CSMD3: variants seen among roughly 807,000 people sequenced by gnomAD.
CSMD3 encodes the protein CUB and Sushi multiple domains 3.
A neutral mutation model predicts 435.2 loss-of-function variants in CSMD3; 177 were observed. The ratio of observed to expected loss-of-function variants is 0.41; its 90% CI spans 0.36 to 0.46. The LOEUF (loss-of-function observed/expected upper bound fraction) is 0.46. Ranked by LOEUF, CSMD3 falls within the 20% of genes least tolerant of loss-of-function variation. CSMD3 has a pLI of 0.34. For synonymous variants in CSMD3, 1,656 were observed against 1,520.5 expected (o/e 1.09, Z -2.07); for missense variants, 4,265 against 4,504.6 (o/e 0.95, Z 1.52).
At chr8:112,816,517 T>C (rs1443901789) in intron 12 of CSMD3, among the ~76,000 whole-genome samples, 3 of 152,220 alleles carry the variant, frequency 2.0e-5, no homozygotes, top group East Asian at 3.9e-4. Flanking sequence ...CATTAGCCCA[T>C]GGTCTTTGTC....
intron 39 of CSMD3, among the ~76,000 whole-genome samples, chr8:112,352,069 A>C (rs771930042): frequency 3.9e-5 from 6 of 152,126 alleles, no homozygotes; most frequent in Non-Finnish European, 8.8e-5. Context: ...AATTCTAAAA[A>C]TCCAGGAATT....
At chr8:112,615,688 A>T (rs1236127685) in intron 22 of CSMD3, among the ~76,000 whole-genome samples, 2 of 152,086 alleles carry the variant, frequency 1.3e-5, no homozygotes, top group Non-Finnish European at 2.9e-5. Flanking sequence ...TAACCTATAT[A>T]CTATAAACCA....
chr8:112,600,671 A>G (rs542041391), intron 22 of CSMD3, among the ~76,000 whole-genome samples: 352 of 151,994 alleles, frequency 2.3e-3, no homozygotes, highest in African/African-American at 8.1e-3. Flanking sequence ...CTTATATCTC[A>G]TGATTTTTTT....
At chr8:112,612,773 A>G (rs1247033231) in intron 22 of CSMD3, among the ~76,000 whole-genome samples, 2 of 124,006 alleles carry the variant, frequency 1.6e-5, no homozygotes, top group Admixed American at 1.1e-4. Context: ...GGCTAAGTGC[A>G]GTGGCTCCAT....
chr8:112,453,082 C>G (rs1253286460), intron 32 of CSMD3, among the ~76,000 whole-genome samples: 1 of 152,078 alleles, frequency 6.6e-6, no homozygotes, highest in Non-Finnish European at 1.5e-5. Flanking sequence ...ATTATTTCCT[C>G]AAATGAAAAA....
At chr8:112,565,739 T>C (rs752072909) in intron 24 of CSMD3, among the ~76,000 whole-genome samples, 12 of 152,088 alleles carry the variant, frequency 7.9e-5, no homozygotes, top group Admixed American at 2.0e-4. Context: ...GATAAGACAA[T>C]AGTATAATCC....
chr8:112,816,861 AGT>A (rs1001526987), intron 12 of CSMD3, among the ~76,000 whole-genome samples: 1 of 151,692 alleles, frequency 6.6e-6, no homozygotes, highest in South Asian at 2.1e-4. Context: ...TTAACCCAGA[AGT>A]GTGTGTGTGT....
chr8:112,803,405 G>A (rs115037332), intron 12 of CSMD3, among the ~76,000 whole-genome samples: 10 of 152,126 alleles, frequency 6.6e-5, no homozygotes, highest in African/African-American at 2.4e-4. Context: ...AAACAGATTT[G>A]TGTGCCTCAT....
intron 18 of CSMD3, among the ~76,000 whole-genome samples, chr8:112,652,413 A>G (rs548648554): frequency 6.6e-6 from 1 of 152,294 alleles, no homozygotes; most frequent in African/African-American, 2.4e-5. Flanking sequence ...GTCTAAAATC[A>G]GAGAAATGGG....
At chr8:112,734,331 A>T (rs1214573100) in intron 13 of CSMD3, among the ~76,000 whole-genome samples, 1 of 151,788 alleles carries the variant, frequency 6.6e-6, no homozygotes, top group East Asian at 1.9e-4. Context: ...TCTTTAACAG[A>T]TGAAGGAAAG....
In CSMD3 at chr8:112,935,569, A is replaced by G. The variant is rs557231157; in HGVS notation, c.1508+12221T>C. Among the ~76,000 whole-genome samples, 6 of 151,994 alleles carry G rather than the reference A, an allele frequency of 3.9e-5. No individual in the cohort carries two copies. The East Asian group carries it at 1.2e-3, about 29-fold the overall frequency. On this transcript the variant is annotated intron_variant, in intron 9 of 70. Coordinates refer to ENST00000297405, the MANE Select transcript of CSMD3 (RefSeq NM_198123.2). ...GTAACTTATTTAGTTTCTTTCATCA[A>G]TATTTTATAGTTTTCAGTGTAGAAA... is the stretch of plus-strand genomic sequence containing the variant.
At chr8:113,371,528 T>G (rs1244407250) in intron 1 of CSMD3, among the ~76,000 whole-genome samples, 2 of 152,196 alleles carry the variant, frequency 1.3e-5, no homozygotes, top group African/African-American at 4.8e-5. Flanking sequence ...ATTAAGTTTA[T>G]TCTTATTCAT....
At chr8:112,731,337 T>C (rs556371648) in intron 13 of CSMD3, among the ~76,000 whole-genome samples, 1 of 152,232 alleles carries the variant, frequency 6.6e-6, no homozygotes, top group East Asian at 1.9e-4. Flanking sequence ...TGACATCAAA[T>C]AGCATAGAGA....
chr8:113,088,904 C>T lies in CSMD3; in HGVS notation c.917+9852G>A, dbSNP rs539040611. Among the ~76,000 whole-genome samples, 18 of 152,170 alleles carry T rather than the reference C, an allele frequency of 1.2e-4. No homozygotes were observed. The South Asian group carries it at 2.3e-3, about 19-fold the overall frequency. ...ATAAAGATGTATACAAACAATTCCT[C>T]CAGCAAACTGGGATTAAGGATTACA... On this transcript the variant is annotated intron_variant, in intron 5 of 70. Coordinates refer to ENST00000297405, the MANE Select transcript of CSMD3 (RefSeq NM_198123.2).
intron 32 of CSMD3, among the ~76,000 whole-genome samples, chr8:112,420,282 T>C (rs1563924584): frequency 6.6e-6 from 1 of 152,168 alleles, no homozygotes; most frequent in African/African-American, 2.4e-5. Flanking sequence ...CCGACCTGTA[T>C]CCCCAACCTG....
intron 4 of CSMD3, among the ~76,000 whole-genome samples, chr8:113,115,053 T>A (rs973782029): frequency 1.3e-5 from 2 of 152,202 alleles, no homozygotes; most frequent in Non-Finnish European, 2.9e-5. Context: ...ACTCTGGAGA[T>A]GAGGTCCAGC....
chr8:113,389,166 C>T (rs766666068), intron 1 of CSMD3, among the ~76,000 whole-genome samples: 1 of 151,574 alleles, frequency 6.6e-6, no homozygotes, highest in Non-Finnish European at 1.5e-5. Context: ...CTGTTAACAG[C>T]ATGGAATAGA....
rs1377269090 is a variant in CSMD3, at chr8:112,234,599, G to A, written c.10628-122C>T. On this transcript the variant is annotated intron_variant, in intron 67 of 70. Coordinates refer to ENST00000297405, the MANE Select transcript of CSMD3 (RefSeq NM_198123.2). ...GTAATTAAAAAAAGAAATAAAACAA[G>A]GGCAAGTCAAGGATGGCTTAACCTA... is the stretch of plus-strand genomic sequence containing the variant. 4 of 692,624 alleles carry A rather than the reference G, an allele frequency of 5.8e-6. No homozygotes were observed. The African/African-American group carries it at 7.2e-5, about 12-fold the overall frequency. The allele number at this position is 692,624 out of a possible 1,614,324, so 42.9% of individuals were successfully genotyped here.
At chr8:112,293,272 G>A (rs1336157346) in intron 54 of CSMD3, among the ~76,000 whole-genome samples, 1 of 152,044 alleles carries the variant, frequency 6.6e-6, no homozygotes, top group Non-Finnish European at 1.5e-5. Flanking sequence ...CTAGATGACA[G>A]AATGAGATCT....
Sources: allele counts gnomAD v4.1 joint callset (sites outside exome capture counted in the v4.1 genomes callset), GRCh38; gene constraint gnomAD v4.1.1; transcripts MANE v1.5; gene names NCBI Gene and HGNC (gene_info 2026-07-23, HGNC 2026-07-21).